The following PHACTR1 variants were observed in gnomAD, a reference collection of about 807,000 sequenced individuals.
PHACTR1 encodes RPEL repeat containing 1.
In PHACTR1, 16 loss-of-function variants were observed where a neutral mutation model predicts 69.2. That is an observed-to-expected ratio of 0.23 (90% confidence interval 0.16 to 0.35). PHACTR1 has a LOEUF of 0.35. PHACTR1 is among the 10% of genes least tolerant of loss of function. The pLI is 1.00. For synonymous variants in PHACTR1, 312 were observed against 284.5 expected, an observed-to-expected ratio of 1.10 and a Z score of -0.97; for missense variants, 510 against 734.7, an observed-to-expected ratio of 0.69 and a Z score of 3.54.
At chr6:13,202,481 C>CT (rs1164105884) in intron 7 of PHACTR1, among the ~76,000 whole-genome samples, 35,904 of 129,920 alleles carry the variant, frequency 0.28, 5,184 homozygotes, top group Middle Eastern at 0.32. Context: ...TGCACTGAAG[C>CT]TTTTTTTTTT....
rs543964170 is a variant in PHACTR1 at position 12,956,465 on chromosome 6, A to T, written c.251-96900A>T. 2.6e-5 allele frequency among the ~76,000 whole-genome samples: 4 copies of T among 152,306 alleles called. No homozygotes were observed. In the East Asian group the frequency reaches 7.7e-4, roughly 29 times the overall value. On this transcript the variant is annotated intron_variant, in intron 4 of 14. Coordinates refer to ENST00000332995, the MANE Select transcript of PHACTR1 (RefSeq NM_030948.6). ...GGACTGGGGGCATTGAGGAATTATT[A>T]CTATTACCTTCACCTAGGACAGGCG...
intron 10 of PHACTR1, among the ~76,000 whole-genome samples, chr6:13,260,311 G>A (rs577077554): frequency 2.5e-4 from 38 of 152,294 alleles, no homozygotes; most frequent in African/African-American, 9.1e-4. Flanking sequence ...AGGCATCTCA[G>A]CTTCCCTAAA....
intron 3 of PHACTR1, among the ~76,000 whole-genome samples, chr6:12,739,407 T>C (rs961334072): frequency 5.9e-5 from 9 of 152,216 alleles, no homozygotes; most frequent in Non-Finnish European, 8.8e-5. Context: ...CAATACATTA[T>C]TTTAATGGAT....
At chr6:13,009,744 C>T (rs141876205) in intron 4 of PHACTR1, among the ~76,000 whole-genome samples, 39 of 152,210 alleles carry the variant, frequency 2.6e-4, no homozygotes, top group African/African-American at 9.2e-4. Flanking sequence ...ATGGTGGGAT[C>T]TTCTGGAAAA....
chr6:13,185,518 G>T (rs968010926), intron 7 of PHACTR1, among the ~76,000 whole-genome samples: 3 of 150,804 alleles, frequency 2.0e-5, no homozygotes, highest in Admixed American at 2.0e-4. Flanking sequence ...ACTTTTAAAA[G>T]AAGAGTAAGC....
At chr6:13,260,790 A>C (rs569190220) in intron 10 of PHACTR1, among the ~76,000 whole-genome samples, 1 of 152,312 alleles carries the variant, frequency 6.6e-6, no homozygotes, top group South Asian at 2.1e-4. Flanking sequence ...GAAATATGAG[A>C]CTATTAGTCA....
intron 4 of PHACTR1, among the ~76,000 whole-genome samples, chr6:12,872,292 A>G (rs1782109634): frequency 6.6e-6 from 1 of 152,200 alleles, no homozygotes; most frequent in South Asian, 2.1e-4. Context: ...TAAAAACTAG[A>G]AGTAGAAGAA....
chr6:13,084,410 T>C (rs1383898143), intron 5 of PHACTR1, among the ~76,000 whole-genome samples: 1 of 148,606 alleles, frequency 6.7e-6, no homozygotes, highest in Non-Finnish European at 1.5e-5. Context: ...CATTAGGAGA[T>C]ATCCCTAATG....
At chr6:12,935,182 C>T (rs1409406654) in intron 4 of PHACTR1, among the ~76,000 whole-genome samples, 9 of 152,268 alleles carry the variant, frequency 5.9e-5, no homozygotes, top group East Asian at 5.8e-4. Flanking sequence ...AACACCTCCA[C>T]GGTGTGAAGA....
At chr6:13,237,467 T>C (rs1245362924) in intron 10 of PHACTR1, among the ~76,000 whole-genome samples, 2 of 152,224 alleles carry the variant, frequency 1.3e-5, no homozygotes, top group African/African-American at 2.4e-5. Context: ...CTGTTTTAAA[T>C]CTTGGACCTG....
intron 4 of PHACTR1, among the ~76,000 whole-genome samples, chr6:12,983,477 T>C (rs1164153593): frequency 6.6e-6 from 1 of 152,204 alleles, no homozygotes; most frequent in African/African-American, 2.4e-5. Flanking sequence ...ACTTGGAATA[T>C]AGAAGAGGAT....
intron 10 of PHACTR1, among the ~76,000 whole-genome samples, chr6:13,251,848 A>G (rs555739888): frequency 1.3e-5 from 2 of 152,186 alleles, no homozygotes; most frequent in South Asian, 4.1e-4. Context: ...TGAGGCCAGG[A>G]GTTCAAGACC....
chr6:12,842,867 T>G (rs889711578), intron 4 of PHACTR1, among the ~76,000 whole-genome samples: 6 of 152,128 alleles, frequency 3.9e-5, no homozygotes, highest in Non-Finnish European at 7.3e-5. Flanking sequence ...TTTCTAAATC[T>G]TGCAAAATCA....
At chr6:13,163,118 G>A (rs1045522730) in intron 6 of PHACTR1, among the ~76,000 whole-genome samples, 6 of 152,114 alleles carry the variant, frequency 3.9e-5, no homozygotes, top group Admixed American at 2.0e-4. Context: ...GGTGGCATGC[G>A]CCTGTAGCCC....
chr6:13,181,239 T>C (rs1404268233), intron 6 of PHACTR1, among the ~76,000 whole-genome samples: 1 of 152,082 alleles, frequency 6.6e-6, no homozygotes, highest in African/African-American at 2.4e-5. Flanking sequence ...CCACCATAGA[T>C]CAGTGATTTA....
Position 13,147,250 on chromosome 6 carries a change from G to A in PHACTR1, c.416-12954G>A, listed in dbSNP as rs565268583. Among the ~76,000 whole-genome samples the A allele has an allele frequency of 5.9e-4, 90 of 152,242 alleles. 1 individual carries two copies. The highest frequency in any genetic ancestry group is 1.7e-3 in the African/African-American group (71 of 41,540). On this transcript the variant is annotated intron_variant, in intron 5 of 14. Coordinates refer to ENST00000332995, the MANE Select transcript of PHACTR1 (RefSeq NM_030948.6). Reference sequence around the variant, plus strand: ...AAGACAACTGATATTTATTCTGTTCGAATTTGATTTGAAGTTCCCTGTGCA... The same window carrying A: ...AAGACAACTGATATTTATTCTGTTCAAATTTGATTTGAAGTTCCCTGTGCA...
At chr6:13,069,624 C>T (rs2127770357) in intron 5 of PHACTR1, among the ~76,000 whole-genome samples, 1 of 152,250 alleles carries the variant, frequency 6.6e-6, no homozygotes, top group South Asian at 2.1e-4. Flanking sequence ...TTGGAACACT[C>T]ATCTATTCCA....
At chr6:12,772,457 G>C (rs1314940372) in intron 4 of PHACTR1, among the ~76,000 whole-genome samples, 1 of 152,140 alleles carries the variant, frequency 6.6e-6, no homozygotes, top group African/African-American at 2.4e-5. Context: ...TAAAAATATT[G>C]AGATTCAATG....
chr6:12,925,706 A>T (rs1788203041), intron 4 of PHACTR1, among the ~76,000 whole-genome samples: 1 of 152,188 alleles, frequency 6.6e-6, no homozygotes. Flanking sequence ...CCATCTTGCA[A>T]TTTACACTGA....
Sources: gnomAD v4.1 joint callset for allele counts (sites outside exome capture counted in the v4.1 genomes callset) on GRCh38, gnomAD v4.1.1 for gene constraint, MANE v1.5 for transcripts, NCBI Gene and HGNC (gene_info 2026-07-23, HGNC 2026-07-21) for gene names.